NPAS3: variants seen among roughly 807,000 people sequenced by gnomAD.
NPAS3 encodes the protein neuronal PAS domain protein 3.
A neutral mutation model predicts 73.1 loss-of-function variants in NPAS3; 14 were observed. That is an observed-to-expected ratio of 0.19 (90% CI 0.13 to 0.30). NPAS3 has a LOEUF of 0.30. NPAS3 is among the 10% of genes least tolerant of loss of function. NPAS3 has a pLI of 1.00. For missense variants in NPAS3, 1,096 were observed against 1,250.0 expected, an observed-to-expected ratio of 0.88 and a Z score of 1.86; for synonymous variants, 620 against 541.5, an observed-to-expected ratio of 1.14 and a Z score of -2.01.
At chr14:33,017,902 T>A (rs947098186) in intron 1 of NPAS3, among the ~76,000 whole-genome samples, 6 of 152,206 alleles carry the variant, frequency 3.9e-5, no homozygotes, top group African/African-American at 1.2e-4. Flanking sequence ...GCAATACATG[T>A]AAAGTTCATA....
At chr14:33,125,452 C>A (rs1207629998) in intron 2 of NPAS3, among the ~76,000 whole-genome samples, 2 of 151,664 alleles carry the variant, frequency 1.3e-5, no homozygotes, top group African/African-American at 2.4e-5. Context: ...TTTTTCCTGA[C>A]AATTCAGTTC....
intron 6 of NPAS3, among the ~76,000 whole-genome samples, chr14:33,677,293 G>C (rs2059796615): frequency 6.6e-6 from 1 of 152,134 alleles, no homozygotes; most frequent in South Asian, 2.1e-4. Context: ...TCATATTCTT[G>C]TGTGGTGGAG....
chr14:33,123,332 A>T (rs924076277), intron 2 of NPAS3, among the ~76,000 whole-genome samples: 18 of 152,098 alleles, frequency 1.2e-4, no homozygotes, highest in African/African-American at 4.3e-4. Context: ...ATAGGGACCA[A>T]GGGAGATGCC....
chr14:33,563,537 C>CACACACACAGAGAGAG, intron 5 of NPAS3, among the ~76,000 whole-genome samples: 23 of 119,650 alleles, frequency 1.9e-4, no homozygotes, highest in African/African-American at 5.6e-4. Flanking sequence ...CACACACACA[C>CACACACACAGAGAGAG]AGAGAGAGAG....
At chr14:33,171,642 T>C (rs1304424447) in intron 2 of NPAS3, among the ~76,000 whole-genome samples, 1 of 152,260 alleles carries the variant, frequency 6.6e-6, no homozygotes, top group East Asian at 1.9e-4. Flanking sequence ...TTTCATCTTC[T>C]GTCACTAAAA....
intron 7 of NPAS3, among the ~76,000 whole-genome samples, chr14:33,761,809 A>T (rs1464585753): frequency 2.6e-5 from 4 of 152,228 alleles, no homozygotes; most frequent in Non-Finnish European, 4.4e-5. Context: ...GCAAAAATTG[A>T]TGAATTCTTC....
chr14:33,366,380 T>G (rs538311627), intron 3 of NPAS3, among the ~76,000 whole-genome samples: 1 of 152,276 alleles, frequency 6.6e-6, no homozygotes, highest in East Asian at 1.9e-4. Flanking sequence ...ACAGTTATTA[T>G]TGCATTAAAC....
At chr14:33,535,998 A>G (rs3950044) in intron 4 of NPAS3, among the ~76,000 whole-genome samples, 27,022 of 152,096 alleles carry the variant, frequency 0.18, 3,159 homozygotes, top group African/African-American at 0.33. Flanking sequence ...AGAACAGAGT[A>G]AAACCGCTGG....
intron 4 of NPAS3, among the ~76,000 whole-genome samples, chr14:33,409,953 TA>T (rs1484079897): frequency 6.6e-6 from 1 of 152,176 alleles, no homozygotes; most frequent in Non-Finnish European, 1.5e-5. Flanking sequence ...GTATGTTAAT[TA>T]AATAGAATAA....
intron 2 of NPAS3, among the ~76,000 whole-genome samples, chr14:33,186,891 A>G (rs1246865640): frequency 6.6e-6 from 1 of 152,176 alleles, no homozygotes; most frequent in African/African-American, 2.4e-5. Flanking sequence ...CAACTGGGGA[A>G]TTGCTACTGG....
At chr14:33,337,609 AG>A (rs1389939507) in intron 3 of NPAS3, among the ~76,000 whole-genome samples, 1 of 152,046 alleles carries the variant, frequency 6.6e-6, no homozygotes, top group Non-Finnish European at 1.5e-5. Context: ...TAAATTTGTT[AG>A]TTTCTATAAA....
chr14:33,460,172 T>C (rs763060044), intron 4 of NPAS3, among the ~76,000 whole-genome samples: 2 of 152,216 alleles, frequency 1.3e-5, no homozygotes, highest in Non-Finnish European at 2.9e-5. Context: ...GTCAGTAACA[T>C]TGGCAATGAA....
chr14:33,204,077 A>G (rs1363373029), intron 2 of NPAS3, among the ~76,000 whole-genome samples: 3 of 152,248 alleles, frequency 2.0e-5, no homozygotes, highest in Admixed American at 6.5e-5. Flanking sequence ...GCCGGTGATG[A>G]TGAGCATTTT....
intron 2 of NPAS3, among the ~76,000 whole-genome samples, chr14:33,106,863 T>G (rs1299700003): frequency 1.3e-5 from 2 of 152,150 alleles, no homozygotes; most frequent in Non-Finnish European, 2.9e-5. Context: ...CAGATGGATT[T>G]CTCCCTTAAC....
intron 4 of NPAS3, among the ~76,000 whole-genome samples, chr14:33,463,198 A>G (rs2050354588): frequency 6.6e-6 from 1 of 152,164 alleles, no homozygotes; most frequent in Non-Finnish European, 1.5e-5. Context: ...TGGCCGGCCC[A>G]TTTCCAAAAA....
At chr14:33,748,335 C>T (rs2061864773) in intron 7 of NPAS3, among the ~76,000 whole-genome samples, 2 of 152,104 alleles carry the variant, frequency 1.3e-5, no homozygotes, top group Non-Finnish European at 2.9e-5. Context: ...AAAGCCTATA[C>T]TAATGGTTGA....
intron 1 of NPAS3, among the ~76,000 whole-genome samples, chr14:33,003,018 A>G (rs552078373): frequency 2.0e-5 from 3 of 152,030 alleles, no homozygotes; most frequent in Admixed American, 2.0e-4. Context: ...CAAGCATCAT[A>G]GCAACTTGAG....
At chr14:33,303,469 A>G (rs1218484214) in intron 3 of NPAS3, among the ~76,000 whole-genome samples, 1 of 152,116 alleles carries the variant, frequency 6.6e-6, no homozygotes, top group Non-Finnish European at 1.5e-5. Context: ...CAAATATTAC[A>G]TTTGTAAAGA....
intron 5 of NPAS3, among the ~76,000 whole-genome samples, chr14:33,670,895 C>T (rs1014429665): frequency 8.5e-5 from 12 of 141,146 alleles, no homozygotes; most frequent in African/African-American, 3.1e-4. Context: ...TAACTAAGAG[C>T]CCTTGTGGTA....
Sources: allele counts gnomAD v4.1 joint callset (sites outside exome capture counted in the v4.1 genomes callset), GRCh38; gene constraint gnomAD v4.1.1; transcripts MANE v1.5; gene names NCBI Gene and HGNC (gene_info 2026-07-23, HGNC 2026-07-21).